MMP26: variants seen among roughly 807,000 people sequenced by gnomAD.
MMP26 encodes matrix metalloproteinase-26.
MMP26 carries 33 observed loss-of-function variants against 31.0 expected under a neutral mutation model. That is an observed-to-expected ratio of 1.06 (90% CI 0.81 to 1.42). The LOEUF (loss-of-function observed/expected upper bound fraction) is 1.42, where lower values mean the gene tolerates loss of function less well. Ranked by LOEUF, MMP26 falls within the 40% of genes most tolerant of loss-of-function variation. MMP26 has a pLI of 0.00. For synonymous variants in MMP26, 122 were observed against 114.9 expected, an observed-to-expected ratio of 1.06 and a Z score of -0.40; for missense variants, 347 against 316.1, an observed-to-expected ratio of 1.10 and a Z score of -0.74.
At chr11:4,833,439 T>G (rs971372290) in intron 2 of MMP26, among the ~76,000 whole-genome samples, 1 of 152,214 alleles carries the variant, frequency 6.6e-6, no homozygotes, top group African/African-American at 2.4e-5. Context: ...CTGGTACTAT[T>G]TAACATCTTG....
intron 2 of MMP26, among the ~76,000 whole-genome samples, chr11:4,934,720 A>G (rs1367035455): frequency 1.3e-5 from 2 of 148,228 alleles, no homozygotes; most frequent in Non-Finnish European, 1.5e-5. Flanking sequence ...TCTAACGTTT[A>G]AATCTTTAAT....
chr11:4,960,076 T>C (rs2133620006), intron 2 of MMP26, among the ~76,000 whole-genome samples: 1 of 141,426 alleles, frequency 7.1e-6, no homozygotes, highest in South Asian at 2.5e-4. Context: ...GACTTCTGTC[T>C]CCAAGTTGGC....
intron 2 of MMP26, among the ~76,000 whole-genome samples, chr11:4,874,956 G>T (rs1850359534): frequency 6.6e-6 from 1 of 152,064 alleles, no homozygotes; most frequent in Non-Finnish European, 1.5e-5. Flanking sequence ...CCACATAGAA[G>T]CGTGGAAGGA....
At chr11:4,858,724 T>G (rs544309981) in intron 2 of MMP26, among the ~76,000 whole-genome samples, 12 of 152,244 alleles carry the variant, frequency 7.9e-5, no homozygotes, top group African/African-American at 2.9e-4. Flanking sequence ...AAAAACTACT[T>G]TAAAGTTCAT....
At chr11:4,860,459 G>A (rs978319462) in intron 2 of MMP26, 2 of 470,282 alleles carry the variant, frequency 4.3e-6, no homozygotes, top group Non-Finnish European at 4.4e-6. Context: ...AGTGTGTAGA[G>A]AAATCCCAGG....
intron 3 of MMP26, among the ~76,000 whole-genome samples, chr11:4,988,891 C>G (rs141413067): frequency 3.0e-3 from 455 of 152,250 alleles, no homozygotes; most frequent in African/African-American, 8.5e-3. Context: ...TCATTTGCCT[C>G]TTAGTGCCCA....
At chr11:4,910,467 G>A (rs966336069) in intron 2 of MMP26, among the ~76,000 whole-genome samples, 1 of 152,062 alleles carries the variant, frequency 6.6e-6, no homozygotes, top group African/African-American at 2.4e-5. Context: ...AGGAGAGGGT[G>A]CACTCTGCCT....
chr11:4,742,921 C>T (rs554752780), intron 1 of MMP26, among the ~76,000 whole-genome samples: 45 of 152,020 alleles, frequency 3.0e-4, no homozygotes, highest in African/African-American at 1.1e-3. Context: ...ATTAGCCATG[C>T]AAGATAAAAA....
At chr11:4,812,970 T>C (rs948972299) in intron 2 of MMP26, among the ~76,000 whole-genome samples, 2 of 151,624 alleles carry the variant, frequency 1.3e-5, no homozygotes, top group African/African-American at 2.4e-5. Context: ...ATATTTTATG[T>C]ATATATTTAT....
intron 2 of MMP26, among the ~76,000 whole-genome samples, chr11:4,934,928 G>T (rs1290784694): frequency 6.6e-6 from 1 of 151,540 alleles, no homozygotes; most frequent in African/African-American, 2.4e-5. Flanking sequence ...CTGTTCCATT[G>T]ATCTATATCT....
chr11:4,720,807 A>T (rs1451964467), intron 1 of MMP26, among the ~76,000 whole-genome samples: 1 of 152,324 alleles, frequency 6.6e-6, no homozygotes, highest in Non-Finnish European at 1.5e-5. Flanking sequence ...CCCGCTCGCT[A>T]TAGCTCATGC....
chr11:4,974,319 G>T (rs1313199104), intron 2 of MMP26, among the ~76,000 whole-genome samples: 1 of 151,342 alleles, frequency 6.6e-6, no homozygotes, highest in African/African-American at 2.4e-5. Context: ...CTAAAATTTT[G>T]TTAAAAATTT....
rs151050531 is a variant in MMP26 at position 4,761,367 on chromosome 11, C to T, written c.-216-5903C>T. On this transcript the variant is annotated intron_variant, in intron 1 of 7. Transcript: ENST00000380390. ...CAGAAAGGGAGGAGAGATTCCCTTG[C>T]TCTTACTTACAGTGGGGTATGTGAA... 9.8e-5 allele frequency among the ~76,000 whole-genome samples: 15 copies of T among 152,298 alleles called. No individual in the cohort carries two copies. The East Asian group carries it at 2.7e-3, about 27-fold the overall frequency.
At chr11:4,803,398 G>A (rs61880854) in intron 2 of MMP26, 40,684 of 1,326,726 alleles carry the variant, frequency 0.031, 778 homozygotes, top group Non-Finnish European at 0.036. Flanking sequence ...CATTAGTGGG[G>A]CAATGTAAGT....
At chr11:4,944,221 G>C (rs985711663) in intron 2 of MMP26, 1 of 387,858 alleles carries the variant, frequency 2.6e-6, no homozygotes, top group Non-Finnish European at 5.0e-6. Context: ...GAAAACATAC[G>C]TAGTCCTGAA....
intron 2 of MMP26, among the ~76,000 whole-genome samples, chr11:4,893,220 G>T (rs1014876624): frequency 5.9e-5 from 9 of 151,708 alleles, no homozygotes; most frequent in African/African-American, 1.9e-4. Flanking sequence ...TCTGTTTAAA[G>T]GTTTAATTAT....
chr11:4,874,946 C>A (rs1413517746), intron 2 of MMP26, among the ~76,000 whole-genome samples: 2 of 152,078 alleles, frequency 1.3e-5, no homozygotes, highest in South Asian at 2.1e-4. Context: ...ATTAGAACAG[C>A]CACATAGAAG....
At chr11:4,723,090 T>C in intron 1 of MMP26, 1 of 1,433,930 alleles carries the variant, frequency 7.0e-7, no homozygotes, top group Non-Finnish European at 9.8e-7. Context: ...CACGGCATGT[T>C]CTGCTTGGCC....
intron 2 of MMP26, chr11:4,943,689 G>A (rs995542562): frequency 5.6e-6 from 2 of 355,336 alleles, no homozygotes; most frequent in African/African-American, 2.1e-5. Flanking sequence ...ATTGCTGCCA[G>A]TTGAGAACCA....
Sources: allele counts gnomAD v4.1 joint callset (sites outside exome capture counted in the v4.1 genomes callset), GRCh38; gene constraint gnomAD v4.1.1; transcripts MANE v1.5; gene names NCBI Gene and HGNC (gene_info 2026-07-23, HGNC 2026-07-21).